CASD1: variants seen among roughly 807,000 people sequenced by gnomAD.
CASD1 encodes the protein CAS1 domain sialic acid O acetyltransferase 1, also known as N-acetylneuraminate (7)9-O-acetyltransferase.
In CASD1, 41 loss-of-function variants were observed where a neutral mutation model predicts 100.0. The observed-to-expected ratio is 0.41, with a 90% CI of 0.32 to 0.53. CASD1 has a LOEUF of 0.53. Ranked by LOEUF, CASD1 falls within the 20% of genes least tolerant of loss-of-function variation. CASD1 has a pLI of 0.25. For missense variants in CASD1, 774 were observed against 948.7 expected (o/e 0.82, Z 2.42); for synonymous variants, 321 against 315.6 (o/e 1.02, Z -0.18).
chr7:94,534,722 A>G (rs902470646), intron 7 of CASD1, among the ~76,000 whole-genome samples: 2 of 152,194 alleles, frequency 1.3e-5, no homozygotes, highest in Admixed American at 6.5e-5. Context: ...GATGAAAGGA[A>G]TAAGAAAAAG....
At chr7:94,587,315 G>A in the CASD1 span, 1 of 996,418 alleles carries the variant, frequency 1.0e-6, no homozygotes, top group Non-Finnish European at 1.2e-6. Flanking sequence ...CCCCTAGTGG[G>A]TAAGTAAGTA....
chr7:94,612,083 G>A, the CASD1 span, among the ~76,000 whole-genome samples: 3 of 151,936 alleles, frequency 2.0e-5, no homozygotes, highest in Non-Finnish European at 2.9e-5. Context: ...TTTTTCCTTG[G>A]TAATTGTGAA....
chr7:94,526,967 T>C (rs1270532077), intron 3 of CASD1, among the ~76,000 whole-genome samples, 195 bp from the exon 4 acceptor site: 4 of 152,240 alleles, frequency 2.6e-5, no homozygotes, highest in Non-Finnish European at 5.9e-5. Context: ...ATGTAGACAA[T>C]TTAACTAGTG....
At chr7:94,585,231 T>C in the CASD1 span, 1 of 410,542 alleles carries the variant, frequency 2.4e-6, no homozygotes, top group Non-Finnish European at 4.4e-6. Flanking sequence ...TCATTAGGCT[T>C]CATTAATAAT....
At chr7:94,542,439 TATCTC>T (rs1378168306) in intron 10 of CASD1, among the ~76,000 whole-genome samples, 1 of 152,188 alleles carries the variant, frequency 6.6e-6, no homozygotes, top group Admixed American at 6.5e-5. Flanking sequence ...AGAATGAAAA[TATCTC>T]ATGTTGAAAT....
At chr7:94,626,597 T>C in the CASD1 span, 24 of 152,020 alleles carry the variant, frequency 1.6e-4, no homozygotes, top group Non-Finnish European at 3.1e-4. Flanking sequence ...TGCTAGCCTT[T>C]CTTAAGATTC....
the CASD1 span, among the ~76,000 whole-genome samples, chr7:94,611,906 A>T: frequency 6.6e-6 from 1 of 152,218 alleles, no homozygotes; most frequent in African/African-American, 2.4e-5. Context: ...ATAATGGGCA[A>T]AATTAAAGAT....
chr7:94,522,797 A>G lies in CASD1; in HGVS notation c.352-4365A>G, dbSNP rs542006803. 1.4e-4 allele frequency among the ~76,000 whole-genome samples: 22 copies of G among 152,060 alleles called. No individual in the cohort carries two copies. The East Asian group carries it at 4.1e-3, about 28-fold the overall frequency. On this transcript the variant is annotated intron_variant, in intron 3 of 17. Coordinates refer to ENST00000297273, the MANE Select transcript of CASD1 (RefSeq NM_022900.5). ...CTCAGCCTCCCCAGTAGCTGGGACT[A>G]CAGGCGCCTGCCACCACGCCCAGCT...
chr7:94,584,080 G>A, the CASD1 span, among the ~76,000 whole-genome samples: 4 of 152,140 alleles, frequency 2.6e-5, no homozygotes, highest in African/African-American at 9.7e-5. Context: ...TATGGTCAGT[G>A]CAAAAACCAA....
At chr7:94,545,344 G>A (rs1044267547) in intron 11 of CASD1, among the ~76,000 whole-genome samples, 2 of 151,974 alleles carry the variant, frequency 1.3e-5, no homozygotes, top group African/African-American at 2.4e-5. Flanking sequence ...ATATGATGAT[G>A]TATACATATT....
chr7:94,617,028 T>G, the CASD1 span: 1 of 152,182 alleles, frequency 6.6e-6, no homozygotes, highest in African/African-American at 2.4e-5. Context: ...TAGCAGGTGT[T>G]GGGTGTTGGG....
rs200521398 is a variant in CASD1 at position 94,555,524 on chromosome 7, A to G, written c.2160A>G (p.Ala720=). The G allele has an allele frequency of 3.1e-6, 5 of 1,613,080 alleles. No individual in the cohort carries two copies. The highest frequency in any genetic ancestry group is 4.2e-6 in the Non-Finnish European group (5 of 1,179,544). ...LFICQYHIWL[A]ADTRGILVLI... ...TTTGCCAGTATCACATATGGCTGGC[A>G]GCGGACACAAGGGGTATCTTGGTAC... Residue 720 remains alanine (A), a synonymous_variant, in exon 18 of 18, where the codon GCA becomes GCG. Coordinates refer to ENST00000297273, the MANE Select transcript of CASD1 (RefSeq NM_022900.5).
intron 13 of CASD1, among the ~76,000 whole-genome samples, chr7:94,549,220 A>AGAT (rs1031269878): frequency 1.3e-4 from 19 of 151,990 alleles, no homozygotes; most frequent in Admixed American, 1.1e-3. Flanking sequence ...TCTAATTACC[A>AGAT]GATTTTTTGA....
At chr7:94,531,277 G>A (rs1488695677) in intron 5 of CASD1, among the ~76,000 whole-genome samples, 1 of 152,116 alleles carries the variant, frequency 6.6e-6, no homozygotes, top group Non-Finnish European at 1.5e-5. Context: ...AGTGAAAAGG[G>A]AGGAAATGTA....
intron 5 of CASD1, among the ~76,000 whole-genome samples, chr7:94,532,830 C>T (rs1794917451): frequency 6.6e-6 from 1 of 152,118 alleles, no homozygotes; most frequent in Non-Finnish European, 1.5e-5. Context: ...ACTGTGTACC[C>T]TGTAGGCTTC....
chr7:94,598,989 A>G, the CASD1 span: 14 of 1,574,564 alleles, frequency 8.9e-6, no homozygotes, highest in Admixed American at 1.4e-4. Context: ...ATAAAACAAC[A>G]TATATTTAAA....
At chr7:94,615,176 T>A in the CASD1 span, among the ~76,000 whole-genome samples, 1 of 151,990 alleles carries the variant, frequency 6.6e-6, no homozygotes, top group Non-Finnish European at 1.5e-5. Context: ...CTGGCCAACA[T>A]GGTGAAACCC....
At chr7:94,559,274 G>GTC (rs1352972022), downstream of CASD1, among the ~76,000 whole-genome samples, 3 of 105,592 alleles carry the variant, frequency 2.8e-5, no homozygotes, top group Non-Finnish European at 5.9e-5. Context: ...CTGTATATAT[G>GTC]TCTGTGTGTG....
chr7:94,624,330 T>A, the CASD1 span: 25 of 397,504 alleles, frequency 6.3e-5, no homozygotes, highest in Non-Finnish European at 9.8e-5. Flanking sequence ...TCAAAGATTT[T>A]TATACATTAC....
Sources: gnomAD v4.1 joint callset for allele counts (sites outside exome capture counted in the v4.1 genomes callset) on GRCh38, gnomAD v4.1.1 for gene constraint, MANE v1.5 for transcripts, NCBI Gene and HGNC (gene_info 2026-07-23, HGNC 2026-07-21) for gene names.